HDX: variants seen among roughly 807,000 people sequenced by gnomAD.
HDX encodes highly divergent homeobox, also known as chromosome X open reading frame 43.
Under a neutral mutation model 45.2 loss-of-function variants are expected in HDX, and 19 were observed. The ratio of observed to expected loss-of-function variants is 0.42; its 90% CI spans 0.29 to 0.62. The LOEUF (loss-of-function observed/expected upper bound fraction) is 0.62. HDX is among the 20% of genes least tolerant of loss of function. The pLI is 0.20. For missense variants in HDX, 532 were observed against 493.9 expected, an observed-to-expected ratio of 1.08 and a Z score of -0.73; for synonymous variants, 188 against 172.8, an observed-to-expected ratio of 1.09 and a Z score of -0.69.
chrX:84,375,677 A>G (rs2038035068), intron 5 of HDX, among the ~76,000 whole-genome samples: 1 of 106,420 alleles, frequency 9.4e-6, no homozygotes, highest in East Asian at 3.1e-4. Flanking sequence ...TCTCACTCAT[A>G]GATGGGAATT....
chrX:84,394,461 T>G (rs1298727342), intron 5 of HDX, among the ~76,000 whole-genome samples: 1 of 112,019 alleles, frequency 8.9e-6, no homozygotes, highest in Non-Finnish European at 1.9e-5. Flanking sequence ...ATAAGAAGAA[T>G]GTGTGTTCTG....
intron 1 of HDX, among the ~76,000 whole-genome samples, chrX:84,493,292 T>C (rs1187873148): frequency 1.8e-5 from 2 of 112,140 alleles, no homozygotes; most frequent in African/African-American, 6.5e-5. Context: ...ATCTCTTATC[T>C]GTCTTTTTAG....
At chrX:84,363,715 A>G (rs1276314047) in intron 5 of HDX, among the ~76,000 whole-genome samples, 1 of 112,203 alleles carries the variant, frequency 8.9e-6, no homozygotes, top group African/African-American at 3.2e-5. Context: ...TAAAACTGTG[A>G]ATACACATTT....
chrX:84,394,358 G>A (rs1448796104), intron 5 of HDX, among the ~76,000 whole-genome samples: 1 of 111,955 alleles, frequency 8.9e-6, no homozygotes, highest in East Asian at 2.8e-4. Context: ...TGTAGTCATA[G>A]AAGACTTGAT....
At chrX:84,436,069 A>G (rs2039624078) in intron 5 of HDX, among the ~76,000 whole-genome samples, 1 of 88,422 alleles carries the variant, frequency 1.1e-5, no homozygotes, top group Non-Finnish European at 2.2e-5. Flanking sequence ...AAAATGTGGC[A>G]CATATACACC....
chrX:84,451,138 C>G (rs1012821415), intron 4 of HDX, among the ~76,000 whole-genome samples: 38 of 110,346 alleles, frequency 3.4e-4, no homozygotes, highest in Non-Finnish European at 5.9e-4. Context: ...CACCAACAAA[C>G]CAAACACAAA....
chrX:84,374,601 C>T (rs1228670234), intron 5 of HDX, among the ~76,000 whole-genome samples: 1 of 99,042 alleles, frequency 1.0e-5, no homozygotes, highest in Non-Finnish European at 2.0e-5. Flanking sequence ...ATATCTACAA[C>T]TATCTGATCT....
chrX:84,465,353 A>C (rs1042987098), intron 4 of HDX, among the ~76,000 whole-genome samples: 1 of 112,408 alleles, frequency 8.9e-6, no homozygotes, highest in Non-Finnish European at 1.9e-5. Context: ...TCATTCTACT[A>C]TAAAGACACA....
In HDX at chrX:84,335,369, C is replaced by G. The variant is rs73507046; in HGVS notation, c.1740+1432G>C. Among the ~76,000 whole-genome samples the G allele has an allele frequency of 5.0e-3, 552 of 110,787 alleles. 2 individuals carry two copies. Among genetic ancestry groups the G allele is most frequent in the African/African-American group, 0.017 (506 of 30,571 alleles). ...TGTTATCCATGAATAATTGGGAGCA[C>G]TCAAAAGTTACAGGCAGAGGAGATT... is the stretch of plus-strand genomic sequence containing the variant. On this transcript the variant is annotated intron_variant, in intron 8 of 10. Transcript: ENST00000373177.
intron 5 of HDX, among the ~76,000 whole-genome samples, chrX:84,376,025 G>T (rs1228260950): frequency 8.9e-6 from 1 of 112,489 alleles, no homozygotes; most frequent in African/African-American, 3.2e-5. Flanking sequence ...AGGCTCGACT[G>T]ATCATCCCCC....
intron 5 of HDX, among the ~76,000 whole-genome samples, chrX:84,408,310 A>T (rs1229787287): frequency 9.0e-6 from 1 of 110,585 alleles, no homozygotes; most frequent in East Asian, 2.8e-4. Flanking sequence ...TCCTCTCTCC[A>T]TTGCTTGTTT....
At chrX:84,372,084 G>A (rs1018804011) in intron 5 of HDX, among the ~76,000 whole-genome samples, 9 of 111,678 alleles carry the variant, frequency 8.1e-5, no homozygotes, top group Non-Finnish European at 1.3e-4. Flanking sequence ...TCTTCGAATG[G>A]CCAGATATAA....
intron 5 of HDX, among the ~76,000 whole-genome samples, chrX:84,384,682 A>G (rs745969792): frequency 9.0e-6 from 1 of 110,561 alleles, no homozygotes; most frequent in Non-Finnish European, 1.9e-5. Context: ...AATCTTTAAT[A>G]CATCTTGAGT....
At position 84,468,694 on chromosome X, in the gene HDX, G is replaced by A. The variant is rs1399562317; in HGVS notation, c.1029C>T (p.Pro343=). 2 of 1,210,620 alleles carry A rather than the reference G, an allele frequency of 1.7e-6. No individual in the cohort carries two copies. The highest frequency in any genetic ancestry group is 3.0e-5 in the East Asian group (1 of 33,819). Reference sequence around the variant, plus strand: ...AATTTGGCATATTTCTTCCTGGTCCGGGCAAGGTTGTACTTTGGTTCTCAG... The same window carrying A: ...AATTTGGCATATTTCTTCCTGGTCCAGGCAAGGTTGTACTTTGGTTCTCAG... ...LRAENQSTTL[P]GPGRNMPNSQ... is the part of the protein sequence containing the mutation. Residue 343 remains proline (P), a synonymous_variant, in exon 4 of 11, where the codon CCC becomes CCT. Coordinates refer to ENST00000373177, the MANE Select transcript of HDX (RefSeq NM_001177479.2).
Position 84,318,847 on chromosome X carries a change from C to T in HDX, c.*3042G>A, listed in dbSNP as rs976795122. 1 of 111,493 alleles carries T rather than the reference C, an allele frequency of 9.0e-6. No individual in the cohort carries two copies. Among genetic ancestry groups the T allele is most frequent in the Admixed American group, 9.5e-5 (1 of 10,517 alleles). 9.2% of individuals were successfully genotyped at this position (111,493 alleles called of 1,213,427 possible). A position where few individuals can be genotyped will look rare whatever the true frequency, so the allele number is the denominator to read the frequency against. Reference sequence around the variant, plus strand: ...AATACAAAAATCCTGCTGTTGATAACTGACCTTAGGACAAAACATCCCCAG... The same window carrying T: ...AATACAAAAATCCTGCTGTTGATAATTGACCTTAGGACAAAACATCCCCAG... On this transcript the variant is annotated 3_prime_UTR_variant, in exon 11 of 11. Transcript: ENST00000373177.
chrX:84,361,035 G>A (rs2037609828), intron 6 of HDX, among the ~76,000 whole-genome samples: 1 of 111,511 alleles, frequency 9.0e-6, no homozygotes, highest in Non-Finnish European at 1.9e-5. Context: ...TACCAGCAAC[G>A]TATCAGGGCT....
chrX:84,496,901 A>G (rs1697277759), intron 1 of HDX, among the ~76,000 whole-genome samples: 1 of 110,865 alleles, frequency 9.0e-6, no homozygotes, highest in African/African-American at 3.3e-5. Flanking sequence ...ATATGGTTTG[A>G]CTCTGTGTCC....
At chrX:84,327,954 C>T (rs1310159264) in intron 9 of HDX, among the ~76,000 whole-genome samples, 1 of 109,981 alleles carries the variant, frequency 9.1e-6, no homozygotes, top group Non-Finnish European at 1.9e-5. Flanking sequence ...AGCTAGACTA[C>T]AGGTATGCAC....
At chrX:84,453,851 A>G (rs2040057110) in intron 4 of HDX, among the ~76,000 whole-genome samples, 1 of 111,996 alleles carries the variant, frequency 8.9e-6, no homozygotes, top group Non-Finnish European at 1.9e-5. Context: ...AGAAGAGTAA[A>G]GAAGACTTTG....
Sources: gnomAD v4.1 joint callset for allele counts (sites outside exome capture counted in the v4.1 genomes callset) on GRCh38, gnomAD v4.1.1 for gene constraint, MANE v1.5 for transcripts, NCBI Gene and HGNC (gene_info 2026-07-23, HGNC 2026-07-21) for gene names.